LRP4: variants seen among roughly 807,000 people sequenced by gnomAD.
The protein encoded by LRP4 is LDL receptor related protein 4, also known as low-density lipoprotein receptor-related protein 4.
A neutral mutation model predicts 220.3 loss-of-function variants in LRP4; 95 were observed. The ratio of observed to expected loss-of-function variants is 0.43; its 90% CI spans 0.37 to 0.51. The LOEUF is 0.51. LRP4 is among the 20% of genes least tolerant of loss of function. The pLI, the probability that LRP4 is intolerant of heterozygous loss-of-function variation, is 0.00. For missense variants in LRP4, 1,925 were observed against 2,567.0 expected (o/e 0.75, Z 5.40); for synonymous variants, 903 against 954.6 (o/e 0.95, Z 1.00).
intron 13 of LRP4, 74 bp downstream of exon 13, chr11:46,892,899 A>T (rs1264027086): frequency 1.3e-6 from 2 of 1,551,488 alleles, no homozygotes; most frequent in African/African-American, 1.4e-5. Flanking sequence ...TACTCCCAGA[A>T]TGTCTAGTCC....
rs1368908778 is a variant in LRP4 at position 46,879,271 on chromosome 11, G to A, written c.2859C>T (p.Leu953=). The part of the protein sequence containing the change: ...SQLPHPFGLT[L]YGERIYWTDW... ...CAGTCCAATAGATGCGCTCTCCATA[G>A]AGGGTCAGCCCAAATGGGTGGGGGA... Residue 953 remains leucine, a synonymous_variant, in exon 21 of 38, where the codon CTC becomes CTT. Coordinates refer to ENST00000378623, the MANE Select transcript of LRP4 (RefSeq NM_002334.4). 1.3e-5 allele frequency: 21 copies of A among 1,614,112 alleles called. 1 individual carries two copies. Among genetic ancestry groups the A allele is most frequent in the Admixed American group, 5.0e-5 (3 of 60,010 alleles).
Position 46,859,030 on chromosome 11 carries a change from T to A in LRP4, c.5671A>T (p.Thr1891Ser), listed in dbSNP as rs778114327. Residue 1891 changes from threonine (T) to serine (S), a missense_variant, in exon 38 of 38, where the codon ACG becomes TCG. Transcript: ENST00000378623. ...TPERRGSLPD[T>S]GWKHERKLSS... Reference sequence around the variant, plus strand: ...AGCTTGCGTTCATGTTTCCAGCCCGTGTCTGGCAGAGAGCCTCGTCTTTCT... The same window carrying A: ...AGCTTGCGTTCATGTTTCCAGCCCGAGTCTGGCAGAGAGCCTCGTCTTTCT... 2 of 1,614,156 alleles carry A rather than the reference T, an allele frequency of 1.2e-6. No homozygotes were observed. Among genetic ancestry groups the A allele is most frequent in the Non-Finnish European group, 8.5e-7 (1 of 1,180,018 alleles).
At chr11:46,867,922 G>A (rs1010470058) in intron 34 of LRP4, 57 bp downstream of exon 34, 1 of 1,610,456 alleles carries the variant, frequency 6.2e-7, no homozygotes, top group South Asian at 1.1e-5. Flanking sequence ...CTATGAGTTG[G>A]TCATGGGATG....
rs1214592866 is a variant in LRP4 at position 46,883,995 on chromosome 11, G to A, written c.2507-19C>T. 1.3e-6 allele frequency: 2 copies of A among 1,586,872 alleles called. No individual in the cohort carries two copies. ...TCTGTACCTATCAAGAAGGGATACA[G>A]AGATTAATTCTAGTCTTGTTCATTC... On this transcript the variant is annotated intron_variant, in intron 18 of 37. Transcript: ENST00000378623.
chr11:46,868,513 G>A lies in LRP4; in HGVS notation c.4951+87C>T, dbSNP rs2134776097. The A allele has an allele frequency of 6.3e-6, 6 of 953,264 alleles. No individual in the cohort carries two copies. In the Middle Eastern group the frequency reaches 6.7e-4, roughly 107 times the overall value. The allele number at this position is 953,264 out of a possible 1,614,324, so 59.1% of individuals were successfully genotyped here. A position where few individuals can be genotyped will look rare whatever the true frequency, so the allele number is the denominator to read the frequency against. ...TCTTTATGGGGATCCCACCCAGAAGGACAGATCAGACCAGTATCAGAGGCT... is the reference window on the plus strand; with the variant it reads ...TCTTTATGGGGATCCCACCCAGAAGAACAGATCAGACCAGTATCAGAGGCT... On this transcript the variant is annotated intron_variant, in intron 33 of 37. Transcript: ENST00000378623.
At chr11:46,866,106 A>G (rs1175571797) in intron 34 of LRP4, among the ~76,000 whole-genome samples, 1 of 152,008 alleles carries the variant, frequency 6.6e-6, no homozygotes, top group Non-Finnish European at 1.5e-5. Flanking sequence ...TACTGATGAT[A>G]TTAAAAATAA....
Position 46,875,313 on chromosome 11 carries a change from C to T in LRP4, c.3925+143G>A. On this transcript the variant is annotated intron_variant, in intron 27 of 37. Transcript: ENST00000378623. The surrounding 1 kb of genome is among the most constrained non-coding windows in gnomAD (Gnocchi z 4.5). Reference sequence around the variant, plus strand: ...GTACCAGCCATACCCAGAGAGAACACAGCCCAATCTGGAAGGGAGCTTAAA... The same window carrying T: ...GTACCAGCCATACCCAGAGAGAACATAGCCCAATCTGGAAGGGAGCTTAAA... 1.1e-6 allele frequency: 1 copy of T among 908,722 alleles called. No individual in the cohort carries two copies. Among genetic ancestry groups the T allele is most frequent in the Non-Finnish European group, 1.7e-6 (1 of 576,714 alleles). The allele number at this position is 908,722 out of a possible 1,614,324, so 56.3% of individuals were successfully genotyped here. A position where few individuals can be genotyped will look rare whatever the true frequency, so the allele number is the denominator to read the frequency against.
chr11:46,906,126 C>T (rs538246868), intron 1 of LRP4, among the ~76,000 whole-genome samples: 1 of 152,240 alleles, frequency 6.6e-6, no homozygotes, highest in African/African-American at 2.4e-5. Context: ...GTGCAAGTCA[C>T]GTAGCCCCTT....
chr11:46,873,055 C>T lies in LRP4; in HGVS notation c.4583+45G>A. The T allele has an allele frequency of 6.2e-7, 1 of 1,613,776 alleles. No homozygotes were observed. The highest frequency in any genetic ancestry group is 8.5e-7 in the Non-Finnish European group (1 of 1,179,748). On this transcript the variant is annotated intron_variant, in intron 30 of 37. Coordinates refer to ENST00000378623, the MANE Select transcript of LRP4 (RefSeq NM_002334.4). The surrounding 1 kb of genome is among the most constrained non-coding windows in gnomAD (Gnocchi z 4.2). ...AGGTTAATCTCAACCATTCTCTCTTCTGCCCACCCGATTTCCAGGAGGCTG... is the reference window on the plus strand; with the variant it reads ...AGGTTAATCTCAACCATTCTCTCTTTTGCCCACCCGATTTCCAGGAGGCTG...
At chr11:46,871,692 C>A in intron 30 of LRP4, 59 bp from the exon 31 acceptor site, 1 of 1,158,488 alleles carries the variant, frequency 8.6e-7, no homozygotes, top group East Asian at 2.5e-5. Flanking sequence ...CCCAGCTCTT[C>A]CCCCTATGAA....
At chr11:46,897,863 T>A (rs1279043345) in intron 7 of LRP4, among the ~76,000 whole-genome samples, 1 of 152,260 alleles carries the variant, frequency 6.6e-6, no homozygotes, top group African/African-American at 2.4e-5. Flanking sequence ...ATTGTCATCA[T>A]GGCCCGTTCT....
intron 8 of LRP4, 136 bp downstream of exon 8, chr11:46,896,733 C>T (rs1941540399): frequency 3.9e-6 from 5 of 1,289,552 alleles, no homozygotes; most frequent in Non-Finnish European, 4.4e-6. Flanking sequence ...GGCCATAAGG[C>T]CGCAGGTCAA....
chr11:46,863,863 T>A (rs931155997), intron 36 of LRP4, among the ~76,000 whole-genome samples: 2 of 152,272 alleles, frequency 1.3e-5, no homozygotes, highest in African/African-American at 4.8e-5. Context: ...GTCATGACAT[T>A]GATATATATC....
chr11:46,892,188 C>T (rs1318929162), intron 13 of LRP4, among the ~76,000 whole-genome samples: 1 of 152,170 alleles, frequency 6.6e-6, no homozygotes, highest in African/African-American at 2.4e-5. Context: ...CTTCCTTGGT[C>T]TCCAAAAGTG....
chr11:46,911,072 G>C (rs1302522917), intron 1 of LRP4, among the ~76,000 whole-genome samples: 1 of 152,142 alleles, frequency 6.6e-6, no homozygotes, highest in African/African-American at 2.4e-5. Flanking sequence ...AAATGGATTA[G>C]CTTCCACTTT....
rs1457074250 is a variant in LRP4, at chr11:46,894,970, A to AAACTATAT, written c.1310-159_1310-152dup. The AAACTATAT allele has an allele frequency of 1.9e-5, 20 of 1,048,206 alleles. No individual in the cohort carries two copies. The Admixed American group carries it at 2.7e-4, about 14-fold the overall frequency. 64.9% of individuals were successfully genotyped at this position (1,048,206 alleles called of 1,614,324 possible). ...CAGTACCAGAAGAGTGGCAACCTTT[A>AAACTATAT]AACTATATTCCTCCACCCCTCCCCA... On this transcript the variant is annotated intron_variant, in intron 11 of 37. Coordinates refer to ENST00000378623, the MANE Select transcript of LRP4 (RefSeq NM_002334.4).
chr11:46,917,765 A>G (rs1941970910), intron 1 of LRP4, among the ~76,000 whole-genome samples: 1 of 152,094 alleles, frequency 6.6e-6, no homozygotes, highest in Middle Eastern at 3.2e-3. Context: ...GCTGCCCGCA[A>G]ACAGTGCCCC....
intron 31 of LRP4, among the ~76,000 whole-genome samples, chr11:46,870,896 T>C (rs1592518075): frequency 6.6e-6 from 1 of 152,344 alleles, no homozygotes; most frequent in East Asian, 1.9e-4. Context: ...GCTAATGCTT[T>C]GTGTCTATTT....
At position 46,858,776 on chromosome 11, in the gene LRP4, A is replaced by G. The variant is rs1485276843; in HGVS notation, c.*207T>C. Reference sequence around the variant, plus strand: ...GGTTCATGGTAAAATCCAGGTCTAAATTCTCGTGATGTGCCATCATTTCTT... The same window carrying G: ...GGTTCATGGTAAAATCCAGGTCTAAGTTCTCGTGATGTGCCATCATTTCTT... On this transcript the variant is annotated 3_prime_UTR_variant, in exon 38 of 38. Coordinates refer to ENST00000378623, the MANE Select transcript of LRP4 (RefSeq NM_002334.4). The G allele has an allele frequency of 3.2e-6, 2 of 626,700 alleles. No individual in the cohort carries two copies. The highest frequency in any genetic ancestry group is 1.8e-5 in the African/African-American group (1 of 55,114). The allele number at this position is 626,700 out of a possible 1,614,324, so 38.8% of individuals were successfully genotyped here.
Sources: allele counts gnomAD v4.1 joint callset (sites outside exome capture counted in the v4.1 genomes callset), GRCh38; gene constraint gnomAD v4.1.1; non-coding constraint Gnocchi (gnomAD v3.1); transcripts MANE v1.5; gene names NCBI Gene and HGNC (gene_info 2026-07-23, HGNC 2026-07-21).